TMEM231: variants seen among roughly 807,000 people sequenced by gnomAD.
TMEM231 encodes transmembrane protein 231.
A neutral mutation model predicts 38.5 loss-of-function variants in TMEM231; 40 were observed. The observed-to-expected ratio is 1.04, with a 90% confidence interval of 0.81 to 1.35. The LOEUF (loss-of-function observed/expected upper bound fraction) is 1.35. Among genes scored for constraint, TMEM231 ranks in the 40% most tolerant of loss-of-function variants. The probability of loss-of-function intolerance (pLI) is 0.00; values close to 1 mark genes in which losing one functional copy is unlikely to be tolerated. For synonymous variants in TMEM231, 199 were observed against 181.7 expected (o/e 1.10, Z -0.77); for missense variants, 420 against 416.9 (o/e 1.01, Z -0.07).
Position 75,556,085 on chromosome 16 carries a change from G to C in TMEM231, c.125C>G (p.Ala42Gly). The change falls in exon 1 of 7, where the codon GCC (alanine) becomes GGC (glycine). Residue 42 changes from alanine to glycine, a missense_variant. By Grantham distance (60) the Ala-to-Gly change is moderately conservative. Transcript: ENST00000258173. ...ALTYIPPLLV[A>G]FRSHGFWLKR... is the part of the protein sequence containing the mutation. ...GGCAGGCTCACCGTGGCTCCGGAAG[G>C]CCACCAGCAGCGGCGGGATGTACGT... 1 of 1,568,458 alleles carries C rather than the reference G, an allele frequency of 6.4e-7. No individual in the cohort carries two copies. Among genetic ancestry groups the C allele is most frequent in the Non-Finnish European group, 8.6e-7 (1 of 1,157,860 alleles).
intron 6 of TMEM231, 56 bp downstream of exon 6, chr16:75,541,294 A>G: frequency 1.5e-6 from 2 of 1,342,712 alleles, no homozygotes; most frequent in Non-Finnish European, 2.0e-6. Flanking sequence ...TGCTGAAATT[A>G]TAGGCAGGAG....
chr16:75,542,470 T>G, intron 5 of TMEM231, 132 bp downstream of exon 5: 3 of 843,644 alleles, frequency 3.6e-6, no homozygotes, highest in Non-Finnish European at 6.0e-6. Context: ...GACAGCATAT[T>G]TGCTCCCATC....
In TMEM231 at chr16:75,555,826, C is replaced by A; in HGVS notation, c.287G>T (p.Arg96Leu). 6.4e-7 allele frequency: 1 copy of A among 1,560,768 alleles called. No homozygotes were observed. The highest frequency in any genetic ancestry group is 1.2e-5 in the South Asian group (1 of 83,314). Residue 96 changes from arginine to leucine, a missense_variant, in exon 2 of 7, where the codon CGC becomes CTC. Arg to Leu is a moderately radical substitution (Grantham distance 102). Coordinates refer to ENST00000258173, the MANE Select transcript of TMEM231 (RefSeq NM_001077418.3). ...CACCGAAACGAGCGGGACGCGCAGG[C>A]GATCCCCTTGCAGCCGGTTGAAGGC... The part of the protein sequence containing the change: ...FPAFNRLQGD[R>L]LRVPLVSTRE...
chr16:75,550,420 C>G (rs1334154957), intron 2 of TMEM231, among the ~76,000 whole-genome samples: 16 of 152,184 alleles, frequency 1.1e-4, no homozygotes, highest in Admixed American at 2.0e-4. Flanking sequence ...CAAGGCTCAT[C>G]ATGCCTCCTA....
intron 2 of TMEM231, chr16:75,546,212 T>C: frequency 2.0e-6 from 2 of 1,016,056 alleles, no homozygotes; most frequent in Non-Finnish European, 2.8e-6. Flanking sequence ...AAAAAACATC[T>C]GGATAGTATT....
In TMEM231 at chr16:75,541,308, C is replaced by G. The variant is rs764417023; in HGVS notation, c.770+42G>C. The G allele has an allele frequency of 2.1e-6, 3 of 1,452,776 alleles. No individual in the cohort carries two copies. The African/African-American group carries it at 4.3e-5, about 21-fold the overall frequency. 90.0% of individuals were successfully genotyped at this position (1,452,776 alleles called of 1,614,324 possible). On this transcript the variant is annotated intron_variant, in intron 6 of 6. Coordinates refer to ENST00000258173, the MANE Select transcript of TMEM231 (RefSeq NM_001077418.3). Reference sequence around the variant, plus strand: ...GTGCTGAAATTATAGGCAGGAGCCACCACATCCAGCCTTAACATGGACTCT... The same window carrying G: ...GTGCTGAAATTATAGGCAGGAGCCAGCACATCCAGCCTTAACATGGACTCT...
chr16:75,552,314 C>T (rs1026887621), intron 2 of TMEM231, among the ~76,000 whole-genome samples: 8 of 151,970 alleles, frequency 5.3e-5, no homozygotes, highest in Non-Finnish European at 1.0e-4. Flanking sequence ...ATGAGCCAGG[C>T]GTAGTGGCAG....
intron 2 of TMEM231, among the ~76,000 whole-genome samples, chr16:75,546,817 A>G (rs2080698631): frequency 1.3e-5 from 2 of 152,190 alleles, no homozygotes; most frequent in African/African-American, 2.4e-5. Context: ...ATCTTATCTC[A>G]TCATTCGTGT....
intron 2 of TMEM231, among the ~76,000 whole-genome samples, chr16:75,554,740 T>A (rs919574939): frequency 1.4e-4 from 21 of 152,196 alleles, no homozygotes; most frequent in African/African-American, 5.1e-4. Flanking sequence ...AGAATGAGCA[T>A]GCACTTTTGT....
At chr16:75,554,620 GT>G (rs1314992919) in intron 2 of TMEM231, among the ~76,000 whole-genome samples, 1 of 150,542 alleles carries the variant, frequency 6.6e-6, no homozygotes. Context: ...TAGTGAAAAA[GT>G]CAAAGCAAAC....
At chr16:75,543,604 C>T (rs2080651284) in intron 4 of TMEM231, among the ~76,000 whole-genome samples, 1 of 152,052 alleles carries the variant, frequency 6.6e-6, no homozygotes, top group South Asian at 2.1e-4. Context: ...AAAACCCCTA[C>T]ACAAAGACAA....
At chr16:75,544,000 A>T (rs548270129) in intron 4 of TMEM231, among the ~76,000 whole-genome samples, 1 of 152,358 alleles carries the variant, frequency 6.6e-6, no homozygotes, top group East Asian at 1.9e-4. Flanking sequence ...GTGAGGAATG[A>T]GTGATTAGAT....
At chr16:75,551,706 A>C (rs2080763668) in intron 2 of TMEM231, among the ~76,000 whole-genome samples, 1 of 152,214 alleles carries the variant, frequency 6.6e-6, no homozygotes, top group Admixed American at 6.5e-5. Flanking sequence ...TCACGCCTGT[A>C]ATCCCAGCAC....
Position 75,545,444 on chromosome 16 carries a change from G to A in TMEM231, c.490C>T (p.Pro164Ser), listed in dbSNP as rs778407563. The change falls in exon 4 of 7, where the codon CCT becomes TCT. Residue 164 changes from proline to serine, a missense_variant. Transcript: ENST00000258173. ...QSMAFLQSSF[P>S]VPGSQLYVNG... ...ACGTATAACTGGGATCCCGGGACAG[G>A]AAAGGAGGACTGGAGAAACGCCATG... is the stretch of plus-strand genomic sequence containing the variant. The A allele has an allele frequency of 4.1e-5, 65 of 1,604,176 alleles. 1 individual carries two copies. In the Middle Eastern group the frequency reaches 5.0e-4, roughly 12 times the overall value.
intron 6 of TMEM231, among the ~76,000 whole-genome samples, chr16:75,540,657 C>G (rs141836955): frequency 1.3e-5 from 2 of 152,216 alleles, no homozygotes; most frequent in Non-Finnish European, 2.9e-5. Context: ...ATTAGTCGAC[C>G]TAAGTCAAAA....
chr16:75,543,871 A>G (rs1023798946), intron 4 of TMEM231, among the ~76,000 whole-genome samples: 5 of 152,244 alleles, frequency 3.3e-5, no homozygotes, highest in African/African-American at 1.2e-4. Flanking sequence ...GAGCAACAGT[A>G]AAACCCACTA....
intron 4 of TMEM231, among the ~76,000 whole-genome samples, chr16:75,545,111 C>T (rs1268311541): frequency 2.6e-5 from 4 of 151,670 alleles, no homozygotes; most frequent in African/African-American, 7.3e-5. Context: ...ACGCACCACA[C>T]GCCTGGCTAA....
In TMEM231 at chr16:75,555,878, C is replaced by A; in HGVS notation, c.235G>T (p.Gly79Trp). ...GGGAACGTGCTCCAGGCGAGGAACC[C>A]GTCGCTTTCGGGTCCGAGCAGGGCC... is the stretch of plus-strand genomic sequence containing the variant. ...LVALLGPESD[G>W]FLAWSTFPAF... Residue 79 changes from glycine (G) to tryptophan (W), a missense_variant, in exon 2 of 7, where the codon GGG becomes TGG. By Grantham distance (184) the Gly-to-Trp change is radical. Transcript: ENST00000258173. 1 of 1,592,846 alleles carries A rather than the reference C, an allele frequency of 6.3e-7. No individual in the cohort carries two copies. The highest frequency in any genetic ancestry group is 8.5e-7 in the Non-Finnish European group (1 of 1,170,030).
chr16:75,544,514 T>C (rs1451683462), intron 4 of TMEM231, among the ~76,000 whole-genome samples: 6 of 152,092 alleles, frequency 3.9e-5, no homozygotes, highest in African/African-American at 1.2e-4. Flanking sequence ...ATGGGACAAG[T>C]GGCTGGAGTG....
Sources: allele counts gnomAD v4.1 joint callset (sites outside exome capture counted in the v4.1 genomes callset), GRCh38; gene constraint gnomAD v4.1.1; transcripts MANE v1.5; gene names NCBI Gene and HGNC (gene_info 2026-07-23, HGNC 2026-07-21).